ATR: variants seen among roughly 807,000 people sequenced by gnomAD.
The protein encoded by ATR is serine/threonine-protein kinase ATR.
A neutral mutation model predicts 305.3 loss-of-function variants in ATR; 142 were observed. The observed-to-expected ratio is 0.47, with a 90% CI of 0.41 to 0.53. The LOEUF is 0.53. Ranked by LOEUF, ATR falls within the 20% of genes least tolerant of loss-of-function variation. The pLI is 0.00. For synonymous variants in ATR, 1,050 were observed against 1,068.1 expected (o/e 0.98, Z 0.33); for missense variants, 2,135 against 3,133.1 (o/e 0.68, Z 7.60).
intron 38 of ATR, among the ~76,000 whole-genome samples, chr3:142,468,642 T>C (rs1038207716): frequency 1.3e-5 from 2 of 152,162 alleles, no homozygotes; most frequent in Admixed American, 1.3e-4. Context: ...TTACATATAT[T>C]GACCAACATA....
At chr3:142,550,500 A>C (rs1457337911) in intron 13 of ATR, among the ~76,000 whole-genome samples, 198 bp from the exon 14 acceptor site, 2 of 152,234 alleles carry the variant, frequency 1.3e-5, no homozygotes, top group African/African-American at 4.8e-5. Context: ...AGACTTAGTT[A>C]AAAAACTTGA....
At chr3:142,508,882 C>A (rs7622266) in intron 27 of ATR, among the ~76,000 whole-genome samples, 73 of 147,520 alleles carry the variant, frequency 4.9e-4, no homozygotes, top group Admixed American at 2.4e-3. Flanking sequence ...TGAGATCACG[C>A]CACTGCACTC....
At chr3:142,458,929 A>C (rs2070965668) in intron 44 of ATR, 29 bp downstream of exon 44, 1 of 1,609,592 alleles carries the variant, frequency 6.2e-7, no homozygotes, top group Non-Finnish European at 8.5e-7. Context: ...GAGAAAACAC[A>C]ATTAGTAAGA....
chr3:142,449,298 A>G lies in ATR; in HGVS notation c.*131T>C. ...TATATTATTTTACATATAATTAATG[A>G]TCAGAGAGAAATAACAGTTGCTGAG... On this transcript the variant is annotated 3_prime_UTR_variant, in exon 47 of 47. Coordinates refer to ENST00000350721, the MANE Select transcript of ATR (RefSeq NM_001184.4). 2.0e-5 allele frequency: 16 copies of G among 789,156 alleles called. No individual in the cohort carries two copies. In the South Asian group the frequency reaches 2.8e-4, roughly 14 times the overall value. 48.9% of individuals were successfully genotyped at this position (789,156 alleles called of 1,614,324 possible).
At chr3:142,468,183 T>C (rs2071175326) in intron 38 of ATR, 115 bp from the exon 39 acceptor site, 2 of 1,276,626 alleles carry the variant, frequency 1.6e-6, no homozygotes, top group Admixed American at 2.2e-5. Flanking sequence ...GTTTATATGA[T>C]ACAAATTTTC....
chr3:142,449,343 C>A lies in ATR; in HGVS notation c.*86G>T. 7.7e-7 allele frequency: 1 copy of A among 1,298,216 alleles called. No individual in the cohort carries two copies. The highest frequency in any genetic ancestry group is 1.1e-6 in the Non-Finnish European group (1 of 906,188). 80.4% of individuals were successfully genotyped at this position (1,298,216 alleles called of 1,614,324 possible). On this transcript the variant is annotated 3_prime_UTR_variant, in exon 47 of 47. Transcript: ENST00000350721. ...GCTGAGAACGTAAATTTATGTTGTACTTTAGAATTGAACAGATACAACCAC... is the reference window on the plus strand; with the variant it reads ...GCTGAGAACGTAAATTTATGTTGTAATTTAGAATTGAACAGATACAACCAC...
At chr3:142,450,861 C>T (rs1029015956) in intron 46 of ATR, 10 of 1,333,582 alleles carry the variant, frequency 7.5e-6, no homozygotes, top group Non-Finnish European at 7.8e-6. Context: ...AAGTGTTCTC[C>T]GACCAAGCAG....
chr3:142,541,014 A>G lies in ATR; in HGVS notation c.3471T>C (p.Ser1157=). The change falls in exon 18 of 47, where the codon TCT becomes TCC. Residue 1157 remains serine, a synonymous_variant. Coordinates refer to ENST00000350721, the MANE Select transcript of ATR (RefSeq NM_001184.4). ...GTTTGGGTCCCATTAACTTCATCAAAGACATCAAACTGTTCAAGGCCTATA... is the reference window on the plus strand; with the variant it reads ...GTTTGGGTCCCATTAACTTCATCAAGGACATCAAACTGTTCAAGGCCTATA... ...DKKMALNSLM[S]LMKLMGPKHV... 1 of 1,613,698 alleles carries G rather than the reference A, an allele frequency of 6.2e-7. No individual in the cohort carries two copies. Among genetic ancestry groups the G allele is most frequent in the Non-Finnish European group, 8.5e-7 (1 of 1,179,706 alleles).
Position 142,449,371 on chromosome 3 carries a change from AT to A in ATR, c.*57del. Reference sequence around the variant, plus strand: ...TAGAATTGAACAGATACAACCACAGATTCATACCAAATGCATTACTTTTAGA... The same window carrying A: ...TAGAATTGAACAGATACAACCACAGATCATACCAAATGCATTACTTTTAGA... On this transcript the variant is annotated 3_prime_UTR_variant, in exon 47 of 47. Coordinates refer to ENST00000350721, the MANE Select transcript of ATR (RefSeq NM_001184.4). The A allele has an allele frequency of 1.3e-6, 2 of 1,502,896 alleles. No homozygotes were observed. Among genetic ancestry groups the A allele is most frequent in the Non-Finnish European group, 1.9e-6 (2 of 1,080,604 alleles). The allele number at this position is 1,502,896 out of a possible 1,614,324, so 93.1% of individuals were successfully genotyped here.
chr3:142,528,879 A>ATATATATATATATATAT (rs1215767510), intron 21 of ATR, among the ~76,000 whole-genome samples: 1 of 30,488 alleles, frequency 3.3e-5, no homozygotes, highest in Non-Finnish European at 5.0e-5. Context: ...ATATATATAT[A>ATATATATATATATATAT]TTTTTTTTTT....
At chr3:142,525,044 A>C (rs990675545) in intron 21 of ATR, among the ~76,000 whole-genome samples, 1 of 152,242 alleles carries the variant, frequency 6.6e-6, no homozygotes, top group African/African-American at 2.4e-5. Flanking sequence ...AAAGACATTT[A>C]ATCTTATCCA....
chr3:142,565,016 G>T (rs1220482672), intron 3 of ATR, among the ~76,000 whole-genome samples: 1 of 152,026 alleles, frequency 6.6e-6, no homozygotes, highest in Admixed American at 6.6e-5. Context: ...CAAAGTGCTG[G>T]GATTACAGGC....
intron 21 of ATR, among the ~76,000 whole-genome samples, chr3:142,533,469 T>C (rs968241135): frequency 2.0e-5 from 3 of 152,206 alleles, no homozygotes; most frequent in Non-Finnish European, 2.9e-5. Flanking sequence ...GACAGTACTA[T>C]TGGAAGTCTT....
Position 142,549,552 on chromosome 3 carries a change from A to C in ATR, c.3098T>G (p.Phe1033Cys). 6.2e-7 allele frequency: 1 copy of C among 1,611,838 alleles called. No individual in the cohort carries two copies. The highest frequency in any genetic ancestry group is 8.5e-7 in the Non-Finnish European group (1 of 1,178,564). ...VNRREILINN[F>C]KYIFSHLVCS... Reference sequence around the variant, plus strand: ...GACCAAATGAGAAAAAATATATTTGAAGTTGTTTATTAAAATCTCTCTACG... The same window carrying C: ...GACCAAATGAGAAAAAATATATTTGCAGTTGTTTATTAAAATCTCTCTACG... The change falls in exon 15 of 47, where the codon TTC (phenylalanine) becomes TGC (cysteine). Residue 1033 changes from phenylalanine (F) to cysteine (C), a missense_variant. Phe to Cys is a radical substitution (Grantham distance 205, BLOSUM62 -2). This residue lies in a region of ATR where 530 missense variants were observed against 766.8 expected (regional missense o/e 0.69). Coordinates refer to ENST00000350721, the MANE Select transcript of ATR (RefSeq NM_001184.4).
chr3:142,522,312 A>T (rs1234394612), intron 23 of ATR, among the ~76,000 whole-genome samples: 1 of 152,216 alleles, frequency 6.6e-6, no homozygotes, highest in Non-Finnish European at 1.5e-5. Context: ...TGAAGAATTC[A>T]TGTAACTTGC....
Position 142,470,181 on chromosome 3 carries a change from G to C in ATR, c.6224C>G (p.Ser2075Cys). ...TATGAACTGATTTCCATATTGTAGA[G>C]ATCTGCAATTATATAGACAAGAAAC... Reference protein sequence around the residue: ...IRYIVLHFGRSLQYGNQFIYQ... With the variant: ...IRYIVLHFGRCLQYGNQFIYQ... The change falls in exon 37 of 47, where the codon TCT becomes TGT. Residue 2075 changes from serine (S) to cysteine (C), a missense_variant and splice_region_variant. Coordinates refer to ENST00000350721, the MANE Select transcript of ATR (RefSeq NM_001184.4). The C allele has an allele frequency of 6.3e-7, 1 of 1,586,138 alleles. No homozygotes were observed. The highest frequency in any genetic ancestry group is 8.6e-7 in the Non-Finnish European group (1 of 1,156,576).
chr3:142,519,290 A>ATGTT (rs2033040146), intron 24 of ATR, among the ~76,000 whole-genome samples: 1 of 151,976 alleles, frequency 6.6e-6, no homozygotes, highest in Non-Finnish European at 1.5e-5. Flanking sequence ...AAACTATATC[A>ATGTT]AAAATCACAT....
rs377542315 is a variant in ATR at position 142,493,331 on chromosome 3, A to G, written c.5899-20T>C. 2 of 1,595,580 alleles carry G rather than the reference A, an allele frequency of 1.3e-6. No individual in the cohort carries two copies. Among genetic ancestry groups the G allele is most frequent in the African/African-American group, 1.3e-5 (1 of 74,348 alleles). Reference sequence around the variant, plus strand: ...ATCACCCTAAAAGAAAAAAGGCAACAATAAGCCTTTTAATTTAAAAACATA... The same window carrying G: ...ATCACCCTAAAAGAAAAAAGGCAACGATAAGCCTTTTAATTTAAAAACATA... On this transcript the variant is annotated intron_variant, in intron 34 of 46. Coordinates refer to ENST00000350721, the MANE Select transcript of ATR (RefSeq NM_001184.4).
At chr3:142,565,108 C>A (rs2035022047) in intron 3 of ATR, among the ~76,000 whole-genome samples, 1 of 152,002 alleles carries the variant, frequency 6.6e-6, no homozygotes, top group Non-Finnish European at 1.5e-5. Context: ...AATTTCATAA[C>A]CCACTAGTGG....
Sources: allele counts gnomAD v4.1 joint callset (sites outside exome capture counted in the v4.1 genomes callset), GRCh38; gene constraint gnomAD v4.1.1; regional missense constraint gnomAD v4.1.1; transcripts MANE v1.5; gene names NCBI Gene and HGNC (gene_info 2026-07-23, HGNC 2026-07-21).